Variants in ALK observed in about 807,000 individuals in gnomAD.
ALK encodes the protein ALK receptor tyrosine kinase.
A neutral mutation model predicts 163.1 loss-of-function variants in ALK; 74 were observed. That is an observed-to-expected ratio of 0.45 (90% CI 0.38 to 0.55). The LOEUF is 0.55. Among genes scored for constraint, ALK ranks in the 20% least tolerant of loss-of-function variants. The pLI is 0.00. For missense variants in ALK, 2,063 were observed against 2,105.3 expected (o/e 0.98, Z 0.39); for synonymous variants, 960 against 843.2 (o/e 1.14, Z -2.40).
chr2:29,434,172 A>C (rs1390928016), intron 4 of ALK, among the ~76,000 whole-genome samples: 1 of 152,200 alleles, frequency 6.6e-6, no homozygotes, highest in African/African-American at 2.4e-5. Context: ...GAATGCATAA[A>C]ATTTTTAACT....
intron 3 of ALK, among the ~76,000 whole-genome samples, chr2:29,532,780 G>T (rs560878586): frequency 3.9e-5 from 6 of 152,308 alleles, no homozygotes; most frequent in East Asian, 1.9e-4. Flanking sequence ...CCATTATATT[G>T]TTCCAGGCAT....
At chr2:29,461,600 A>C (rs551009996) in intron 4 of ALK, among the ~76,000 whole-genome samples, 1 of 152,288 alleles carries the variant, frequency 6.6e-6, no homozygotes, top group East Asian at 1.9e-4. Flanking sequence ...TGGTTTACTA[A>C]ATATTTTAAG....
At chr2:29,494,351 G>A (rs1185241583) in intron 4 of ALK, among the ~76,000 whole-genome samples, 2 of 152,134 alleles carry the variant, frequency 1.3e-5, no homozygotes, top group African/African-American at 4.8e-5. Flanking sequence ...AAATGAAACA[G>A]GAGCTGCGGG....
chr2:29,805,989 C>T (rs1664600539), intron 1 of ALK, among the ~76,000 whole-genome samples: 1 of 152,172 alleles, frequency 6.6e-6, no homozygotes. Context: ...AAGCCATGTA[C>T]ATGTGAGTGA....
chr2:29,894,853 A>AAC (rs796857722), intron 1 of ALK, among the ~76,000 whole-genome samples: 1,300 of 33,392 alleles, frequency 0.039, 25 homozygotes, highest in African/African-American at 0.063. Context: ...CACACACACA[A>AAC]ACACACACAC....
intron 4 of ALK, among the ~76,000 whole-genome samples, chr2:29,417,772 G>C (rs907040337): frequency 3.9e-5 from 6 of 152,150 alleles, no homozygotes; most frequent in Admixed American, 1.3e-4. Context: ...TGTACCTTAC[G>C]TACATAAGGA....
intron 1 of ALK, among the ~76,000 whole-genome samples, chr2:29,826,905 G>A (rs1665218143): frequency 6.6e-6 from 1 of 152,234 alleles, no homozygotes; most frequent in South Asian, 2.1e-4. Flanking sequence ...GTCGGTATTA[G>A]TCAGATGTCA....
intron 5 of ALK, 77 bp downstream of exon 5, chr2:29,383,655 C>T: frequency 1.3e-6 from 2 of 1,599,364 alleles, no homozygotes; most frequent in South Asian, 2.2e-5. Context: ...ACATTCCCAG[C>T]CAAACATGGT....
chr2:29,329,174 CA>C (rs1353379973), intron 5 of ALK, among the ~76,000 whole-genome samples: 1 of 152,016 alleles, frequency 6.6e-6, no homozygotes, highest in Non-Finnish European at 1.5e-5. Context: ...TAATTTTATC[CA>C]GAGGGGGAAG....
chr2:29,553,780 C>G (rs1239967139), intron 3 of ALK, among the ~76,000 whole-genome samples: 1 of 152,172 alleles, frequency 6.6e-6, no homozygotes, highest in African/African-American at 2.4e-5. Flanking sequence ...TTTGTTGTTT[C>G]AATTTGCATG....
intron 2 of ALK, among the ~76,000 whole-genome samples, chr2:29,710,778 T>C (rs1679069390): frequency 6.6e-6 from 1 of 152,152 alleles, no homozygotes; most frequent in Admixed American, 6.5e-5. Flanking sequence ...TCCAAATTGC[T>C]GGGATTACAG....
chr2:29,358,001 T>C (rs1158432561), intron 5 of ALK, among the ~76,000 whole-genome samples: 1 of 152,218 alleles, frequency 6.6e-6, no homozygotes, highest in Non-Finnish European at 1.5e-5. Flanking sequence ...ATTTTACAGA[T>C]TAACAAGAGG....
At chr2:29,687,089 G>A (rs928842301) in intron 3 of ALK, among the ~76,000 whole-genome samples, 1 of 152,052 alleles carries the variant, frequency 6.6e-6, no homozygotes, top group African/African-American at 2.4e-5. Context: ...TTAGTATGAT[G>A]AGAAATCATG....
rs1671051304 is a variant in ALK at position 29,460,151 on chromosome 2, A to T, written c.1154+71764T>A. Among the ~76,000 whole-genome samples the T allele has an allele frequency of 2.0e-5, 3 of 152,188 alleles. No homozygotes were observed. In the South Asian group the frequency reaches 6.2e-4, roughly 31 times the overall value. ...GCAAGATGTGGGGGCTGAGCTCCTG[A>T]TCTCACTTCAGCCAGAAGAATTCTT... On this transcript the variant is annotated intron_variant, in intron 4 of 28. Coordinates refer to ENST00000389048, the MANE Select transcript of ALK (RefSeq NM_004304.5).
chr2:29,909,994 A>C (rs75860686), intron 1 of ALK, among the ~76,000 whole-genome samples: 1 of 151,938 alleles, frequency 6.6e-6, no homozygotes, highest in African/African-American at 2.4e-5. Context: ...AAAAAAAAAA[A>C]AACAACTGCA....
chr2:29,392,817 T>C (rs1669208858), intron 4 of ALK, among the ~76,000 whole-genome samples: 1 of 152,242 alleles, frequency 6.6e-6, no homozygotes, highest in African/African-American at 2.4e-5. Context: ...GCACAAGCTC[T>C]ACATTTTACA....
At chr2:29,207,423 A>T in intron 25 of ALK, 151 bp from the exon 26 acceptor site, 1 of 699,982 alleles carries the variant, frequency 1.4e-6, no homozygotes, top group Non-Finnish European at 2.6e-6. Flanking sequence ...GGAGGAGAGC[A>T]GGGGCACACA....
intron 3 of ALK, among the ~76,000 whole-genome samples, chr2:29,537,707 C>G (rs1218401725): frequency 6.6e-6 from 1 of 152,100 alleles, no homozygotes; most frequent in Admixed American, 6.5e-5. Flanking sequence ...ACACTGGCAG[C>G]TAGACACTGG....
Position 29,348,393 on chromosome 2 carries a change from C to A in ALK, c.1283-19912G>T, listed in dbSNP as rs1438412226. On this transcript the variant is annotated intron_variant, in intron 5 of 28. Coordinates refer to ENST00000389048, the MANE Select transcript of ALK (RefSeq NM_004304.5). Reference sequence around the variant, plus strand: ...TTCTGTTCATTTGGTATTTGTGCATCCTCGGGGCACCCAGGGGCTCAGCTC... The same window carrying A: ...TTCTGTTCATTTGGTATTTGTGCATACTCGGGGCACCCAGGGGCTCAGCTC... Among the ~76,000 whole-genome samples the A allele has an allele frequency of 2.6e-5, 4 of 152,202 alleles. No individual in the cohort carries two copies. The East Asian group carries it at 7.7e-4, about 29-fold the overall frequency.
Sources: allele counts gnomAD v4.1 joint callset (sites outside exome capture counted in the v4.1 genomes callset), GRCh38; gene constraint gnomAD v4.1.1; transcripts MANE v1.5; gene names NCBI Gene and HGNC (gene_info 2026-07-23, HGNC 2026-07-21).